Variants in RABGAP1L observed in about 807,000 individuals in gnomAD.
The protein encoded by RABGAP1L is rab GTPase-activating protein 1-like.
Under a neutral mutation model 137.7 loss-of-function variants are expected in RABGAP1L, and 63 were observed. The observed-to-expected ratio is 0.46, with a 90% CI of 0.37 to 0.56. The LOEUF (loss-of-function observed/expected upper bound fraction) is 0.56. Ranked by LOEUF, RABGAP1L falls within the 20% of genes least tolerant of loss-of-function variation. RABGAP1L has a pLI of 0.00. For synonymous variants in RABGAP1L, 431 were observed against 433.7 expected (o/e 0.99, Z 0.08); for missense variants, 1,095 against 1,244.0 (o/e 0.88, Z 1.80).
intron 12 of RABGAP1L, among the ~76,000 whole-genome samples, chr1:174,391,585 G>T (rs925886379): frequency 1.3e-5 from 2 of 152,082 alleles, no homozygotes; most frequent in African/African-American, 4.8e-5. Context: ...CAAACGATCC[G>T]CCTGCTTTGG....
chr1:174,321,810 G>T (rs1680019657), intron 11 of RABGAP1L, among the ~76,000 whole-genome samples: 1 of 152,034 alleles, frequency 6.6e-6, no homozygotes, highest in Admixed American at 6.6e-5. Context: ...GTGTGTTGTG[G>T]TATATTGCAG....
intron 17 of RABGAP1L, among the ~76,000 whole-genome samples, chr1:174,741,909 T>C (rs1440310881): frequency 1.5e-5 from 2 of 136,976 alleles, no homozygotes; most frequent in Admixed American, 7.5e-5. Flanking sequence ...CATGGTGGCA[T>C]GCGCCTATAG....
chr1:174,364,549 C>T (rs534188073), intron 11 of RABGAP1L, among the ~76,000 whole-genome samples: 7 of 152,174 alleles, frequency 4.6e-5, no homozygotes, highest in South Asian at 2.1e-4. Context: ...CCACCGCGCC[C>T]GGCCTGGATT....
intron 18 of RABGAP1L, among the ~76,000 whole-genome samples, chr1:174,799,063 T>G (rs1290584436): frequency 2.0e-5 from 3 of 152,240 alleles, no homozygotes; most frequent in African/African-American, 7.2e-5. Flanking sequence ...TTTTCAACTA[T>G]TAGCTGAGTG....
intron 11 of RABGAP1L, among the ~76,000 whole-genome samples, chr1:174,344,127 A>C (rs1175860803): frequency 6.6e-6 from 1 of 152,164 alleles, no homozygotes; most frequent in Non-Finnish European, 1.5e-5. Context: ...CTGGAGGATG[A>C]TCTCTAGTGA....
Position 174,600,076 on chromosome 1 carries a change from C to T in RABGAP1L, c.1711-37299C>T, listed in dbSNP as rs139385393. On this transcript the variant is annotated intron_variant, in intron 13 of 25. Coordinates refer to ENST00000681986, the MANE Select transcript of RABGAP1L (RefSeq NM_001366446.1). Reference sequence around the variant, plus strand: ...GAGGCCTCAGAATCATGGTGGGAGACGAAAGGCACTTCTTATATGGCAGCA... The same window carrying T: ...GAGGCCTCAGAATCATGGTGGGAGATGAAAGGCACTTCTTATATGGCAGCA... 3.0e-3 allele frequency among the ~76,000 whole-genome samples: 459 copies of T among 152,018 alleles called. 1 individual carries two copies. Among genetic ancestry groups the T allele is most frequent in the African/African-American group, 5.9e-3 (245 of 41,466 alleles).
At chr1:174,170,644 C>G (rs947755779) in intron 1 of RABGAP1L, among the ~76,000 whole-genome samples, 4 of 139,468 alleles carry the variant, frequency 2.9e-5, no homozygotes, top group Admixed American at 1.6e-4. Context: ...CACTGCACTC[C>G]AGCCTGGACA....
At chr1:174,183,307 G>A (rs1203526529) in intron 1 of RABGAP1L, among the ~76,000 whole-genome samples, 6 of 152,254 alleles carry the variant, frequency 3.9e-5, no homozygotes, top group Admixed American at 3.3e-4. Context: ...TGAAGATCAC[G>A]GCTCACTGGG....
chr1:174,184,369 T>G (rs1666635285), intron 1 of RABGAP1L, among the ~76,000 whole-genome samples: 1 of 152,128 alleles, frequency 6.6e-6, no homozygotes, highest in South Asian at 2.1e-4. Flanking sequence ...ATGCGCAGGT[T>G]TTTGTATGAA....
intron 21 of RABGAP1L, among the ~76,000 whole-genome samples, chr1:174,975,078 T>C (rs1481388680): frequency 6.6e-6 from 1 of 152,262 alleles, no homozygotes; most frequent in African/African-American, 2.4e-5. Flanking sequence ...GCAGTCTGCA[T>C]CTGCAATGAT....
At chr1:174,377,101 A>T (rs1385457570) in intron 12 of RABGAP1L, among the ~76,000 whole-genome samples, 2 of 152,214 alleles carry the variant, frequency 1.3e-5, no homozygotes, top group East Asian at 3.8e-4. Context: ...GAAACAAAAA[A>T]GCACCATAAA....
intron 19 of RABGAP1L, among the ~76,000 whole-genome samples, chr1:174,866,477 A>G (rs1032383551): frequency 3.9e-5 from 6 of 152,226 alleles, no homozygotes; most frequent in Non-Finnish European, 8.8e-5. Flanking sequence ...ATCGCTGACA[A>G]GAATGTTGCC....
intron 13 of RABGAP1L, among the ~76,000 whole-genome samples, chr1:174,450,873 C>T (rs988804550): frequency 6.6e-6 from 1 of 152,064 alleles, no homozygotes; most frequent in South Asian, 2.1e-4. Flanking sequence ...GCCTATGACT[C>T]TTCAAATTAG....
intron 18 of RABGAP1L, among the ~76,000 whole-genome samples, chr1:174,754,773 A>T (rs961944126): frequency 7.2e-5 from 11 of 152,140 alleles, no homozygotes; most frequent in Non-Finnish European, 1.3e-4. Context: ...AAGCACTGGG[A>T]TTATAGGTGT....
At chr1:174,899,636 T>C (rs1370440052) in intron 19 of RABGAP1L, among the ~76,000 whole-genome samples, 1 of 152,216 alleles carries the variant, frequency 6.6e-6, no homozygotes, top group African/African-American at 2.4e-5. Flanking sequence ...CATCCTGCTC[T>C]CTGTTCTTTT....
intron 13 of RABGAP1L, among the ~76,000 whole-genome samples, chr1:174,525,795 G>A (rs1173962375): frequency 6.6e-6 from 1 of 152,064 alleles, no homozygotes; most frequent in Non-Finnish European, 1.5e-5. Context: ...TTATTATTTT[G>A]AGGTATATTC....
At chr1:174,472,487 C>T (rs1658052681) in intron 13 of RABGAP1L, among the ~76,000 whole-genome samples, 1 of 152,188 alleles carries the variant, frequency 6.6e-6, no homozygotes, top group Non-Finnish European at 1.5e-5. Context: ...ATATAGTCCT[C>T]ATTGCTATAT....
At chr1:174,795,299 A>C (rs1045332376) in intron 18 of RABGAP1L, among the ~76,000 whole-genome samples, 1 of 152,152 alleles carries the variant, frequency 6.6e-6, no homozygotes, top group African/African-American at 2.4e-5. Flanking sequence ...CCTGAAAGTC[A>C]AGCATAAATT....
At chr1:174,907,346 T>C (rs1659265060) in intron 19 of RABGAP1L, among the ~76,000 whole-genome samples, 1 of 152,194 alleles carries the variant, frequency 6.6e-6, no homozygotes, top group Non-Finnish European at 1.5e-5. Flanking sequence ...TTGGGTCTCA[T>C]CTGTCACCCA....
Sources: gnomAD v4.1 joint callset for allele counts (sites outside exome capture counted in the v4.1 genomes callset) on GRCh38, gnomAD v4.1.1 for gene constraint, MANE v1.5 for transcripts, NCBI Gene and HGNC (gene_info 2026-07-23, HGNC 2026-07-21) for gene names.